SYTL5: variants seen among roughly 807,000 people sequenced by gnomAD.
SYTL5 encodes synaptotagmin-like protein 5.
Under a neutral mutation model 55.9 loss-of-function variants are expected in SYTL5, and 34 were observed. The ratio of observed to expected loss-of-function variants is 0.61; its 90% CI spans 0.46 to 0.81. The LOEUF is 0.81. Among genes scored for constraint, SYTL5 ranks in the 30% least tolerant of loss-of-function variants. SYTL5 has a pLI of 0.00. For synonymous variants in SYTL5, 221 were observed against 188.7 expected, an observed-to-expected ratio of 1.17 and a Z score of -1.40; for missense variants, 637 against 546.7, an observed-to-expected ratio of 1.17 and a Z score of -1.65.
Position 38,115,259 on chromosome X carries a change from C to T in SYTL5, c.1596+4777C>T, listed in dbSNP as rs1036388427. On this transcript the variant is annotated intron_variant, in intron 13 of 16. Coordinates refer to ENST00000297875, the MANE Select transcript of SYTL5 (RefSeq NM_138780.3). ...CAGCACTTTGGGAGGCCGAGGCGGG[C>T]GGATCACGAGGTCAGGAGATCGAGA... is the stretch of plus-strand genomic sequence containing the variant. Among the ~76,000 whole-genome samples the T allele has an allele frequency of 3.7e-4, 38 of 102,677 alleles. 1 individual carries two copies. The highest frequency in any genetic ancestry group is 1.4e-3 in the African/African-American group (37 of 25,828). 89.2% of individuals were successfully genotyped at this position (102,677 alleles called of 115,157 possible).
chrX:38,085,402 C>T (rs1569181438), intron 6 of SYTL5, among the ~76,000 whole-genome samples: 1 of 111,476 alleles, frequency 9.0e-6, no homozygotes, highest in Admixed American at 9.6e-5. Context: ...GGCCACTCAT[C>T]TCACATAAGA....
chrX:38,071,101 G>C (rs762569816), intron 3 of SYTL5, among the ~76,000 whole-genome samples: 15 of 112,023 alleles, frequency 1.3e-4, no homozygotes, highest in African/African-American at 4.8e-4. Flanking sequence ...GTCTGTGAAA[G>C]ACTTTCTTGT....
the SYTL5 span, among the ~76,000 whole-genome samples, chrX:37,980,946 C>T: frequency 8.9e-6 from 1 of 112,151 alleles, no homozygotes; most frequent in Non-Finnish European, 1.9e-5. Context: ...AATGTTACTA[C>T]CTATGTTCAG....
intron 1 of SYTL5, among the ~76,000 whole-genome samples, chrX:38,022,958 G>A (rs1018535636): frequency 9.0e-6 from 1 of 111,618 alleles, no homozygotes; most frequent in African/African-American, 3.3e-5. Flanking sequence ...TGTGGTTAGA[G>A]GATAGATACG....
At chrX:37,896,959 A>G in the SYTL5 span, among the ~76,000 whole-genome samples, 1 of 112,458 alleles carries the variant, frequency 8.9e-6, no homozygotes, top group Non-Finnish European at 1.9e-5. Context: ...ATGTGTATGC[A>G]TGTGTGTAGA....
the SYTL5 span, among the ~76,000 whole-genome samples, chrX:37,986,399 G>C: frequency 9.0e-6 from 1 of 110,970 alleles, no homozygotes; most frequent in Non-Finnish European, 1.9e-5. Flanking sequence ...TGCATGTACC[G>C]GTAATTAGAA....
At chrX:37,999,251 G>T in the SYTL5 span, among the ~76,000 whole-genome samples, 29 of 112,743 alleles carry the variant, frequency 2.6e-4, no homozygotes, top group Non-Finnish European at 4.9e-4. Context: ...CACAGTGTGT[G>T]TAACACTGGA....
At chrX:38,117,110 G>C (rs766044567) in intron 13 of SYTL5, among the ~76,000 whole-genome samples, 1 of 112,066 alleles carries the variant, frequency 8.9e-6, no homozygotes, top group Admixed American at 9.5e-5. Context: ...CTGAGTAATA[G>C]TGGGTTGGAT....
intron 6 of SYTL5, among the ~76,000 whole-genome samples, chrX:38,085,888 C>G (rs749719096): frequency 9.0e-6 from 1 of 111,021 alleles, no homozygotes; most frequent in Non-Finnish European, 1.9e-5. Context: ...ATCTGGGAAG[C>G]TGTTATCAAG....
intron 1 of SYTL5, among the ~76,000 whole-genome samples, chrX:38,015,624 A>G (rs1934326178): frequency 9.0e-6 from 1 of 111,491 alleles, no homozygotes; most frequent in Admixed American, 9.5e-5. Flanking sequence ...AACTCAAGAG[A>G]TTCTGTTTTT....
the SYTL5 span, among the ~76,000 whole-genome samples, chrX:37,934,066 A>G: frequency 8.9e-6 from 1 of 112,036 alleles, no homozygotes; most frequent in Non-Finnish European, 1.9e-5. Flanking sequence ...TAGAAAAGTC[A>G]CTAAGCAATC....
At chrX:37,983,701 G>A in the SYTL5 span, among the ~76,000 whole-genome samples, 1 of 111,891 alleles carries the variant, frequency 8.9e-6, no homozygotes, top group Non-Finnish European at 1.9e-5. Flanking sequence ...TTTTTCTCAA[G>A]TGCACACACA....
the SYTL5 span, chrX:37,991,075 G>A: frequency 2.0e-5 from 24 of 1,209,432 alleles, no homozygotes; most frequent in South Asian, 1.4e-4. Flanking sequence ...GGCAGTATGC[G>A]CAACACTTCA....
At chrX:37,982,869 A>G in the SYTL5 span, among the ~76,000 whole-genome samples, 1 of 111,228 alleles carries the variant, frequency 9.0e-6, no homozygotes, top group South Asian at 3.7e-4. Context: ...ATGTCAATGT[A>G]TTGCTGGGTT....
upstream of SYTL5, among the ~76,000 whole-genome samples, chrX:38,003,732 G>A (rs773957547): frequency 8.9e-6 from 1 of 111,738 alleles, no homozygotes; most frequent in East Asian, 2.8e-4. Flanking sequence ...ACTACTTTAA[G>A]TTCATATTTT....
At chrX:37,971,848 G>A in the SYTL5 span, among the ~76,000 whole-genome samples, 1 of 107,382 alleles carries the variant, frequency 9.3e-6, no homozygotes, top group Non-Finnish European at 1.9e-5. Flanking sequence ...CTGTGCCCTA[G>A]GTTCTTGTGT....
chrX:37,969,653 G>T, the SYTL5 span, among the ~76,000 whole-genome samples: 1 of 111,549 alleles, frequency 9.0e-6, no homozygotes, highest in East Asian at 2.8e-4. Flanking sequence ...CGTTTTTTTT[G>T]ACCGAGTCTT....
intron 3 of SYTL5, among the ~76,000 whole-genome samples, chrX:38,060,799 A>G (rs745375508): frequency 2.6e-4 from 29 of 112,201 alleles, no homozygotes; most frequent in South Asian, 7.4e-4. Flanking sequence ...AATAATAACA[A>G]ATCAAAACTT....
chrX:37,944,276 A>G, the SYTL5 span, among the ~76,000 whole-genome samples: 1 of 108,929 alleles, frequency 9.2e-6, no homozygotes, highest in Non-Finnish European at 1.9e-5. Context: ...GAAATGATGT[A>G]CCTGTTGAAA....
Sources: gnomAD v4.1 joint callset for allele counts (sites outside exome capture counted in the v4.1 genomes callset) on GRCh38, gnomAD v4.1.1 for gene constraint, MANE v1.5 for transcripts, NCBI Gene and HGNC (gene_info 2026-07-23, HGNC 2026-07-21) for gene names.